CMTR1: variants seen among roughly 807,000 people sequenced by gnomAD.
CMTR1 encodes the protein cap methyltransferase 1, also known as cap-specific mRNA (nucleoside-2'-O-)-methyltransferase 1.
A neutral mutation model predicts 107.0 loss-of-function variants in CMTR1; 39 were observed. The observed-to-expected ratio is 0.36, with a 90% CI of 0.28 to 0.48. CMTR1 has a LOEUF of 0.48. Ranked by LOEUF, CMTR1 falls within the 20% of genes least tolerant of loss-of-function variation. CMTR1 has a pLI of 0.99. For missense variants in CMTR1, 672 were observed against 1,064.9 expected, an observed-to-expected ratio of 0.63 and a Z score of 5.14; for synonymous variants, 366 against 379.5, an observed-to-expected ratio of 0.96 and a Z score of 0.41.
At chr6:37,477,452 G>C (rs1004983403) in intron 20 of CMTR1, 140 bp from the exon 21 acceptor site, 1 of 738,644 alleles carries the variant, frequency 1.4e-6, no homozygotes, top group Non-Finnish European at 2.4e-6. Flanking sequence ...TGGTGTCCTC[G>C]CTGCCGGTGG....
At chr6:37,442,440 C>T (rs1771695174) in intron 2 of CMTR1, among the ~76,000 whole-genome samples, 1 of 152,200 alleles carries the variant, frequency 6.6e-6, no homozygotes, top group Non-Finnish European at 1.5e-5. Context: ...TTGGCTGACA[C>T]ATCTTTACAT....
At chr6:37,479,816 C>T (rs1238703332) in intron 23 of CMTR1, among the ~76,000 whole-genome samples, 197 bp from the exon 24 acceptor site, 2 of 152,216 alleles carry the variant, frequency 1.3e-5, no homozygotes, top group Admixed American at 6.5e-5. Context: ...ATGCAATTAG[C>T]AGCAACAGCT....
intron 13 of CMTR1, among the ~76,000 whole-genome samples, chr6:37,470,118 G>A (rs1221598210): frequency 3.3e-5 from 5 of 151,084 alleles, no homozygotes; most frequent in Admixed American, 2.6e-4. Context: ...TATCTTTGCT[G>A]AAAATCTTCA....
At chr6:37,443,393 T>G (rs908672194) in intron 2 of CMTR1, among the ~76,000 whole-genome samples, 6 of 152,082 alleles carry the variant, frequency 3.9e-5, no homozygotes, top group Admixed American at 3.3e-4. Flanking sequence ...TCACTCTTTT[T>G]GCCCAGACTG....
At chr6:37,439,203 C>T (rs908497592) in intron 2 of CMTR1, among the ~76,000 whole-genome samples, 8 of 152,168 alleles carry the variant, frequency 5.3e-5, no homozygotes, top group Admixed American at 1.3e-4. Context: ...ACTGTTGCAT[C>T]GTGATCTTTT....
chr6:37,472,576 C>T lies in CMTR1; in HGVS notation c.1689+89C>T, dbSNP rs1050764949. On this transcript the variant is annotated intron_variant, in intron 16 of 23. Coordinates refer to ENST00000373451, the MANE Select transcript of CMTR1 (RefSeq NM_015050.3). The surrounding 1 kb of genome is among the most constrained non-coding windows in gnomAD (Gnocchi z 4.1). Reference sequence around the variant, plus strand: ...CACTGAGGCCCCAGATGCATGGTCTCCAGAGGGCTTGTGCAGATGCCCACC... The same window carrying T: ...CACTGAGGCCCCAGATGCATGGTCTTCAGAGGGCTTGTGCAGATGCCCACC... 3 of 1,323,722 alleles carry T rather than the reference C, an allele frequency of 2.3e-6. No individual in the cohort carries two copies. The highest frequency in any genetic ancestry group is 1.4e-5 in the African/African-American group (1 of 69,020). 82.0% of individuals were successfully genotyped at this position (1,323,722 alleles called of 1,614,324 possible).
At chr6:37,448,388 C>T (rs1009110828) in intron 4 of CMTR1, among the ~76,000 whole-genome samples, 1 of 152,082 alleles carries the variant, frequency 6.6e-6, no homozygotes, top group Non-Finnish European at 1.5e-5. Flanking sequence ...ATAAAGTCCA[C>T]TCTGTAGGTA....
chr6:37,472,068 TC>T lies in CMTR1; in HGVS notation c.1620+166del, dbSNP rs1348344421. Among the ~76,000 whole-genome samples the T allele has an allele frequency of 6.6e-6, 1 of 152,172 alleles. No individual in the cohort carries two copies. The highest frequency in any genetic ancestry group is 1.5e-5 in the Non-Finnish European group (1 of 68,022). ...CATCTCGGCATTGTTGGTAGTTACG[TC>T]CTTGGCCCTTTCACTGCTGGTTTGG... is the stretch of plus-strand genomic sequence containing the variant. On this transcript the variant is annotated intron_variant, in intron 15 of 23. Coordinates refer to ENST00000373451, the MANE Select transcript of CMTR1 (RefSeq NM_015050.3). This position sits in a 1 kb window ranked among gnomAD's most constrained non-coding sequence, Gnocchi z 4.1.
chr6:37,426,691 A>C, the CMTR1 span, among the ~76,000 whole-genome samples: 1 of 151,972 alleles, frequency 6.6e-6, no homozygotes, highest in Non-Finnish European at 1.5e-5. Context: ...GCACCACCAC[A>C]CGTGGCCAAT....
In CMTR1 at chr6:37,462,006, C is replaced by T. The variant is rs757408510; in HGVS notation, c.1229C>T (p.Thr410Ile). Residue 410 changes from threonine to isoleucine, a missense_variant, in exon 12 of 24, where the codon ACA (threonine) becomes ATA (isoleucine). Coordinates refer to ENST00000373451, the MANE Select transcript of CMTR1 (RefSeq NM_015050.3). ...HFICKTFDLF[T>I]PFSVGLVYLL... is the part of the protein sequence containing the mutation. ...ATCTGTAAAACCTTTGACCTGTTCA[C>T]ACCGTTTAGTGTGGGGCTTGTCTAC... 4.3e-6 allele frequency: 7 copies of T among 1,613,766 alleles called. No homozygotes were observed. Among genetic ancestry groups the T allele is most frequent in the Non-Finnish European group, 5.9e-6 (7 of 1,180,014 alleles).
rs1383033273 is a variant in CMTR1, at chr6:37,475,757, A to G, written c.2036+345A>G. ...AAATATCCTGTGCTTGAGTGGTCCC[A>G]TTTAAGTTGCTCATCTGAGTGGGTG... On this transcript the variant is annotated intron_variant, in intron 19 of 23. Transcript: ENST00000373451. 6.2e-5 allele frequency: 30 copies of G among 482,642 alleles called. 1 individual carries two copies. In the Admixed American group the frequency reaches 9.6e-4, roughly 15 times the overall value. 29.9% of individuals were successfully genotyped at this position (482,642 alleles called of 1,614,324 possible).
In CMTR1 at chr6:37,471,039, C is replaced by A; in HGVS notation, c.1524C>A (p.Ile508=). The part of the protein sequence containing the change: ...RSNESHCSLQ[I]KALAKIHAFV... ...CTTCTAGCCACTGTAGTCTGCAGAT[C>A]AAAGCTCTGGCGAAAATCCATGCCT... is the stretch of plus-strand genomic sequence containing the variant. Residue 508 remains isoleucine, a synonymous_variant, in exon 14 of 24, where the codon ATC becomes ATA. Coordinates refer to ENST00000373451, the MANE Select transcript of CMTR1 (RefSeq NM_015050.3). The A allele has an allele frequency of 6.2e-7, 1 of 1,606,910 alleles. No individual in the cohort carries two copies. The highest frequency in any genetic ancestry group is 8.5e-7 in the Non-Finnish European group (1 of 1,177,146).
At chr6:37,442,074 T>C (rs1487401349) in intron 2 of CMTR1, among the ~76,000 whole-genome samples, 6 of 152,242 alleles carry the variant, frequency 3.9e-5, no homozygotes, top group Admixed American at 2.0e-4. Flanking sequence ...TTGTAAAATG[T>C]TGTATCCTTG....
chr6:37,473,419 T>C, intron 16 of CMTR1, 51 bp from the exon 17 acceptor site: 3 of 1,589,314 alleles, frequency 1.9e-6, no homozygotes, highest in Non-Finnish European at 2.6e-6. Flanking sequence ...TAGGCACCCA[T>C]ACTGTCCCTT....
At chr6:37,462,535 G>A (rs1761421023) in intron 12 of CMTR1, among the ~76,000 whole-genome samples, 1 of 152,226 alleles carries the variant, frequency 6.6e-6, no homozygotes, top group African/African-American at 2.4e-5. Flanking sequence ...CTTCTCCTGG[G>A]AGAGTTTGAT....
chr6:37,461,763 G>A (rs1185613318), intron 11 of CMTR1, 118 bp downstream of exon 11: 20 of 828,078 alleles, frequency 2.4e-5, no homozygotes, highest in Non-Finnish European at 3.4e-5. Context: ...TAGAGGACAG[G>A]TAGCTAAATG....
intron 1 of CMTR1, 146 bp downstream of exon 1, chr6:37,433,523 C>A (rs576917404): frequency 0.013 from 2,057 of 153,050 alleles, 11 homozygotes; most frequent in Non-Finnish European, 0.022. Flanking sequence ...CTCCTCCTCC[C>A]ACCCCCAACG....
At chr6:37,447,958 C>T (rs1001306428) in intron 4 of CMTR1, among the ~76,000 whole-genome samples, 4 of 151,870 alleles carry the variant, frequency 2.6e-5, no homozygotes, top group Non-Finnish European at 4.4e-5. Context: ...CGCCTGTAAC[C>T]CCAGCACTTT....
chr6:37,455,477 G>A (rs1487285545), intron 8 of CMTR1, among the ~76,000 whole-genome samples: 2 of 152,234 alleles, frequency 1.3e-5, no homozygotes, highest in African/African-American at 4.8e-5. Flanking sequence ...GCAAGAACTG[G>A]AAGAGACAAA....
Sources: allele counts gnomAD v4.1 joint callset (sites outside exome capture counted in the v4.1 genomes callset), GRCh38; gene constraint gnomAD v4.1.1; non-coding constraint Gnocchi (gnomAD v3.1); transcripts MANE v1.5; gene names NCBI Gene and HGNC (gene_info 2026-07-23, HGNC 2026-07-21).